MDN1: variants seen among roughly 807,000 people sequenced by gnomAD.
MDN1 encodes midasin AAA ATPase 1, also known as midasin.
Under a neutral mutation model 669.2 loss-of-function variants are expected in MDN1, and 266 were observed. The observed-to-expected ratio is 0.40, with a 90% confidence interval of 0.36 to 0.44. MDN1 has a LOEUF of 0.44. Among genes scored for constraint, MDN1 ranks in the 20% least tolerant of loss-of-function variants. MDN1 has a pLI of 1.00. For synonymous variants in MDN1, 2,385 were observed against 2,457.1 expected (o/e 0.97, Z 0.87); for missense variants, 5,940 against 6,754.0 (o/e 0.88, Z 4.22).
At chr6:89,739,141 G>A (rs189043806) in intron 32 of MDN1, among the ~76,000 whole-genome samples, 9 of 152,262 alleles carry the variant, frequency 5.9e-5, no homozygotes, top group East Asian at 5.8e-4. Context: ...TAAAGCATAC[G>A]TGTGTGTACC....
intron 85 of MDN1, among the ~76,000 whole-genome samples, chr6:89,664,032 T>C (rs930605155): frequency 6.6e-6 from 1 of 151,970 alleles, no homozygotes; most frequent in Admixed American, 6.6e-5. Flanking sequence ...TGGAAAGAAA[T>C]ATACCACTAT....
chr6:89,707,217 T>C, intron 52 of MDN1, 144 bp downstream of exon 52: 1 of 626,282 alleles, frequency 1.6e-6, no homozygotes. Flanking sequence ...TCATTACTAT[T>C]GAGTAAGGGG....
Position 89,654,243 on chromosome 6 carries a change from CTCTG to C in MDN1, c.15578_15581del (p.Thr5193ArgfsTer14). ...CTGCTGCTTTGAACTCCTCCTGCTCCTCTGTGTCCATAAGGGTGTCCTCTATCTC... is the reference window on the plus strand; with the variant it reads ...CTGCTGCTTTGAACTCCTCCTGCTCCTGTCCATAAGGGTGTCCTCTATCTC... On this transcript the variant is annotated frameshift_variant, in exon 93 of 102. Coordinates refer to ENST00000369393, the MANE Select transcript of MDN1 (RefSeq NM_014611.3). LOFTEE classifies it high-confidence loss of function. The C allele has an allele frequency of 6.2e-7, 1 of 1,614,246 alleles. No homozygotes were observed. The highest frequency in any genetic ancestry group is 8.5e-7 in the Non-Finnish European group (1 of 1,180,048).
Position 89,756,294 on chromosome 6 carries a change from T to C in MDN1, c.2799A>G (p.Thr933=), listed in dbSNP as rs775284727. The C allele has an allele frequency of 1.9e-6, 3 of 1,573,044 alleles. No homozygotes were observed. Among genetic ancestry groups the C allele is most frequent in the Non-Finnish European group, 2.6e-6 (3 of 1,155,940 alleles). Residue 933 remains threonine (T), a synonymous_variant, in exon 20 of 102, where the codon ACA becomes ACG. Coordinates refer to ENST00000369393, the MANE Select transcript of MDN1 (RefSeq NM_014611.3). ...YLKGLSVNKN[T]VQGIINFYTA... is the part of the protein sequence containing the mutation. ...GAACCTACTTTATGATTCCTTGCAC[T>C]GTATTCTTGTTCACACTCAATCCTT... is the stretch of plus-strand genomic sequence containing the variant.
chr6:89,803,457 G>A lies in MDN1; in HGVS notation c.200C>T (p.Pro67Leu). The change falls in exon 2 of 102, where the codon CCT (proline) becomes CTT (leucine). Residue 67 changes from proline to leucine, a missense_variant. Transcript: ENST00000369393. Reference protein sequence around the residue: ...CTVLVGRQLRPLLLDLLERNA... With the variant: ...CTVLVGRQLRLLLLDLLERNA... Reference sequence around the variant, plus strand: ...CCTTTCCAGCAAATCCAAAAGGAGAGGGCGAAGCTGGCGACCAACCAGCAC... The same window carrying A: ...CCTTTCCAGCAAATCCAAAAGGAGAAGGCGAAGCTGGCGACCAACCAGCAC... 3.1e-6 allele frequency: 5 copies of A among 1,614,154 alleles called. No individual in the cohort carries two copies. The South Asian group carries it at 3.3e-5, about 11-fold the overall frequency.
At position 89,678,763 on chromosome 6, in the gene MDN1, G is replaced by T. The variant is rs777931090; in HGVS notation, c.12266-18C>A. ...CACTTCACCTGTAAGGGAAAACAAG[G>T]CGGGGAGGGGAGACAATAAGAAAAT... On this transcript the variant is annotated intron_variant, in intron 74 of 101. Coordinates refer to ENST00000369393, the MANE Select transcript of MDN1 (RefSeq NM_014611.3). 4 of 1,600,214 alleles carry T rather than the reference G, an allele frequency of 2.5e-6. No homozygotes were observed. The South Asian group carries it at 4.5e-5, about 18-fold the overall frequency.
chr6:89,657,384 C>A (rs1584101920), intron 90 of MDN1, among the ~76,000 whole-genome samples: 1 of 152,176 alleles, frequency 6.6e-6, no homozygotes, highest in Non-Finnish European at 1.5e-5. Flanking sequence ...CCACTGTAAC[C>A]AGCAGGTCCT....
intron 15 of MDN1, among the ~76,000 whole-genome samples, chr6:89,764,914 A>T (rs144835000): frequency 2.6e-5 from 4 of 152,236 alleles, no homozygotes; most frequent in Non-Finnish European, 5.9e-5. Context: ...CCTGAGGAAG[A>T]GAGTGAGACC....
chr6:89,737,328 T>TGG (rs1245269864), intron 33 of MDN1, among the ~76,000 whole-genome samples: 1 of 152,186 alleles, frequency 6.6e-6, no homozygotes, highest in African/African-American at 2.4e-5. Context: ...AGAAAATGTG[T>TGG]GGTAGGGCAC....
rs140004754 is a variant in MDN1 at position 89,664,991 on chromosome 6, G to A, written c.14095-363C>T. ...AAAGACAGTGGCCCAAGAGAATCTT[G>A]GTCATTCTTCCTTGGTTTCTATATT... On this transcript the variant is annotated intron_variant, in intron 84 of 101. Transcript: ENST00000369393. Among the ~76,000 whole-genome samples, 11 of 152,048 alleles carry A rather than the reference G, an allele frequency of 7.2e-5. No individual in the cohort carries two copies. In the East Asian group the frequency reaches 2.1e-3, roughly 29 times the overall value.
intron 83 of MDN1, 32 bp from the exon 84 acceptor site, chr6:89,668,183 A>T: frequency 6.2e-7 from 1 of 1,610,516 alleles, no homozygotes. Flanking sequence ...GTGAACAATT[A>T]GGCACAAAAG....
At chr6:89,698,113 G>A (rs1812893435) in intron 59 of MDN1, among the ~76,000 whole-genome samples, 1 of 152,134 alleles carries the variant, frequency 6.6e-6, no homozygotes, top group Non-Finnish European at 1.5e-5. Flanking sequence ...CCTCACTGTG[G>A]TCATCTAAGA....
At position 89,672,207 on chromosome 6, in the gene MDN1, T is replaced by G; in HGVS notation, c.13787A>C (p.Lys4596Thr). 1.3e-6 allele frequency: 2 copies of G among 1,578,594 alleles called. No homozygotes were observed. The highest frequency in any genetic ancestry group is 1.7e-6 in the Non-Finnish European group (2 of 1,168,326). ...TAAAGAACAGTTAGTTACCAGGTGC[T>G]TTGCTGCTGTGCCATCCTCACCGTA... ...KSYGEDGTAAKHLFFSQSCSL... is the reference protein window; with the variant it reads ...KSYGEDGTAATHLFFSQSCSL... Residue 4596 changes from lysine to threonine, a missense_variant, in exon 82 of 102, where the codon AAG becomes ACG. Coordinates refer to ENST00000369393, the MANE Select transcript of MDN1 (RefSeq NM_014611.3).
chr6:89,648,630 G>A (rs1054849998), intron 97 of MDN1, among the ~76,000 whole-genome samples: 7 of 151,948 alleles, frequency 4.6e-5, no homozygotes, highest in African/African-American at 1.7e-4. Context: ...CACTTTGGGA[G>A]GCCAAGGAGG....
chr6:89,749,161 A>G (rs1262369592), intron 26 of MDN1, 62 bp downstream of exon 26: 1 of 1,450,854 alleles, frequency 6.9e-7, no homozygotes, highest in Non-Finnish European at 9.3e-7. Flanking sequence ...TTTTCTAACA[A>G]AAGAAGCCAT....
intron 1 of MDN1, 127 bp downstream of exon 1, chr6:89,819,379 G>A (rs1179015278): frequency 2.3e-6 from 2 of 865,582 alleles, no homozygotes; most frequent in Non-Finnish European, 3.7e-6. Flanking sequence ...CACAGGAGGG[G>A]GCCAGCTTGA....
Position 89,687,523 on chromosome 6 carries a change from T to C in MDN1, c.11356-85A>G, listed in dbSNP as rs1812098835. The C allele has an allele frequency of 3.3e-6, 4 of 1,205,116 alleles. No homozygotes were observed. In the Admixed American group the frequency reaches 7.4e-5, roughly 22 times the overall value. 74.7% of individuals were successfully genotyped at this position (1,205,116 alleles called of 1,614,324 possible). On this transcript the variant is annotated intron_variant, in intron 67 of 101. Transcript: ENST00000369393. ...CCTCAAGAACATCTTGAACTTTGCT[T>C]GAGTGAAGACTACTGGGCCCTTAAA...
At chr6:89,763,985 C>A (rs894782693) in intron 15 of MDN1, among the ~76,000 whole-genome samples, 3 of 152,086 alleles carry the variant, frequency 2.0e-5, no homozygotes, top group African/African-American at 7.2e-5. Context: ...GAGGTCAAGG[C>A]GGGAGGATCC....
chr6:89,666,791 G>T (rs1188846609), intron 84 of MDN1, among the ~76,000 whole-genome samples: 1 of 152,206 alleles, frequency 6.6e-6, no homozygotes, highest in African/African-American at 2.4e-5. Context: ...CTGGGCAAGA[G>T]AGCAAGACCT....
Sources: allele counts gnomAD v4.1 joint callset (sites outside exome capture counted in the v4.1 genomes callset), GRCh38; gene constraint gnomAD v4.1.1; transcripts MANE v1.5; gene names NCBI Gene and HGNC (gene_info 2026-07-23, HGNC 2026-07-21).